Variants in RPTOR observed in about 807,000 individuals in gnomAD.
RPTOR encodes the protein regulatory-associated protein of mTOR.
A neutral mutation model predicts 169.9 loss-of-function variants in RPTOR; 21 were observed. That is an observed-to-expected ratio of 0.12 (90% CI 0.09 to 0.18). The LOEUF (loss-of-function observed/expected upper bound fraction) is 0.18, where lower values mean the gene tolerates loss of function less well. RPTOR is among the 10% of genes least tolerant of loss of function. The pLI is 1.00. For missense variants in RPTOR, 1,133 were observed against 1,855.9 expected, an observed-to-expected ratio of 0.61 and a Z score of 7.16; for synonymous variants, 732 against 753.2, an observed-to-expected ratio of 0.97 and a Z score of 0.46.
chr17:80,634,603 C>CTGTGTGTGTGCGTACTGTG lies in RPTOR; in HGVS notation c.265+8819_265+8820insGCGTACTGTGTGTGTGTGT, dbSNP rs560638674. Among the ~76,000 whole-genome samples the CTGTGTGTGTGCGTACTGTG allele has an allele frequency of 3.1e-4, 8 of 26,212 alleles. 1 individual carries two copies. The highest frequency in any genetic ancestry group is 1.3e-3 in the Admixed American group (5 of 3,756). The allele number at this position is 26,212 out of a possible 152,430, so 17.2% of individuals were successfully genotyped here. On this transcript the variant is annotated intron_variant, in intron 2 of 33. Transcript: ENST00000306801. ...TGTGTGCGTACTGTGTGTGTGCGTACTGTGTGTGTACTGTGTGCGTGTGCG... is the reference window on the plus strand; with the variant it reads ...TGTGTGCGTACTGTGTGTGTGCGTACTGTGTGTGTGCGTACTGTGTGTGTGTGTACTGTGTGCGTGTGCG...
chr17:80,624,703 C>T (rs1190363279), intron 1 of RPTOR, among the ~76,000 whole-genome samples: 1 of 152,178 alleles, frequency 6.6e-6, no homozygotes, highest in Admixed American at 6.5e-5. Context: ...AAAAATTAAT[C>T]TTTATCTTGT....
At chr17:80,744,412 C>CTGTCCTGGTTACT (rs1567888638) in intron 5 of RPTOR, among the ~76,000 whole-genome samples, 3 of 96,672 alleles carry the variant, frequency 3.1e-5, no homozygotes, top group Non-Finnish European at 6.2e-5. Context: ...GCTACTAGCA[C>CTGTCCTGGTTACT]AGCCCTGGCT....
chr17:80,827,967 C>T (rs539977823), intron 9 of RPTOR, among the ~76,000 whole-genome samples: 25 of 152,304 alleles, frequency 1.6e-4, no homozygotes, highest in Non-Finnish European at 2.5e-4. Context: ...TGGCTCTAGC[C>T]GTCTAGTGCC....
At chr17:80,642,994 T>C (rs1368371897) in intron 2 of RPTOR, among the ~76,000 whole-genome samples, 2 of 152,246 alleles carry the variant, frequency 1.3e-5, no homozygotes, top group Non-Finnish European at 2.9e-5. Context: ...TAAATATTTA[T>C]GTTAAAATAT....
chr17:80,881,147 A>G (rs1040176005), intron 14 of RPTOR, among the ~76,000 whole-genome samples: 2 of 152,246 alleles, frequency 1.3e-5, no homozygotes, highest in African/African-American at 4.8e-5. Flanking sequence ...ATTTAAACAT[A>G]TTAGCTAGTT....
chr17:80,626,734 T>TAA (rs772991416), intron 2 of RPTOR, among the ~76,000 whole-genome samples: 1 of 146,526 alleles, frequency 6.8e-6, no homozygotes, highest in Non-Finnish European at 1.5e-5. Flanking sequence ...TTTTTTTTTT[T>TAA]AATTGTGGTA....
chr17:80,869,213 G>T (rs111279601), intron 13 of RPTOR, among the ~76,000 whole-genome samples: 2 of 152,040 alleles, frequency 1.3e-5, no homozygotes, highest in Non-Finnish European at 2.9e-5. Context: ...AGGCTGGAGC[G>T]CAGTGGGGCG....
At chr17:80,829,066 T>C (rs1228647637) in intron 9 of RPTOR, among the ~76,000 whole-genome samples, 2 of 152,274 alleles carry the variant, frequency 1.3e-5, no homozygotes, top group East Asian at 3.8e-4. Flanking sequence ...TTCTCCATTT[T>C]AAAAATTGAT....
At chr17:80,946,508 C>T (rs2069105566) in intron 26 of RPTOR, among the ~76,000 whole-genome samples, 1 of 152,210 alleles carries the variant, frequency 6.6e-6, no homozygotes, top group African/African-American at 2.4e-5. Flanking sequence ...CCGCCTGAGC[C>T]AGTGTTTCAC....
intron 6 of RPTOR, among the ~76,000 whole-genome samples, chr17:80,762,191 G>C: frequency 6.6e-6 from 1 of 152,234 alleles, no homozygotes; most frequent in Non-Finnish European, 1.5e-5. Flanking sequence ...CCACCTGATG[G>C]ATGCGGTAAG....
At chr17:80,925,259 C>T (rs1209353104) in intron 23 of RPTOR, 111 bp from the exon 24 acceptor site, 22 of 840,890 alleles carry the variant, frequency 2.6e-5, no homozygotes, top group East Asian at 2.6e-5. Flanking sequence ...AGGGGCAGCC[C>T]GGTGCTCCCG....
At chr17:80,900,670 G>C (rs1327454871) in intron 20 of RPTOR, among the ~76,000 whole-genome samples, 13 of 152,178 alleles carry the variant, frequency 8.5e-5, no homozygotes. Flanking sequence ...TGCTCACCTG[G>C]TGACCGTCTG....
intron 20 of RPTOR, among the ~76,000 whole-genome samples, chr17:80,897,114 A>G (rs2068416242): frequency 6.7e-6 from 1 of 149,284 alleles, no homozygotes; most frequent in Non-Finnish European, 1.5e-5. Flanking sequence ...TAAAAAAATT[A>G]GCCAGGTGTG....
At chr17:80,899,052 T>C (rs2068443086) in intron 20 of RPTOR, among the ~76,000 whole-genome samples, 1 of 151,952 alleles carries the variant, frequency 6.6e-6, no homozygotes, top group African/African-American at 2.4e-5. Flanking sequence ...AACTGAAAGG[T>C]TCACTACACA....
chr17:80,620,807 C>T (rs2143518100), intron 1 of RPTOR, among the ~76,000 whole-genome samples: 1 of 152,334 alleles, frequency 6.6e-6, no homozygotes, highest in East Asian at 1.9e-4. Flanking sequence ...AAATTAGGCT[C>T]ACAGTGTTAA....
intron 3 of RPTOR, among the ~76,000 whole-genome samples, chr17:80,685,629 T>TA (rs1433182285): frequency 0.02 from 432 of 22,110 alleles, 61 homozygotes; most frequent in East Asian, 0.071. Flanking sequence ...ATATATATAT[T>TA]TTTTTTTTTT....
At chr17:80,785,998 G>T (rs898605840) in intron 6 of RPTOR, among the ~76,000 whole-genome samples, 2 of 152,162 alleles carry the variant, frequency 1.3e-5, no homozygotes, top group Admixed American at 1.3e-4. Flanking sequence ...TGTCCATGGG[G>T]AGAGGAGTGG....
intron 3 of RPTOR, among the ~76,000 whole-genome samples, chr17:80,706,246 CT>C (rs1029881392): frequency 6.6e-6 from 1 of 152,166 alleles, no homozygotes; most frequent in Non-Finnish European, 1.5e-5. Context: ...GGCCCCAGCA[CT>C]TTCACACCCG....
intron 24 of RPTOR, among the ~76,000 whole-genome samples, chr17:80,937,578 A>G (rs1239626089): frequency 6.6e-6 from 1 of 152,226 alleles, no homozygotes; most frequent in African/African-American, 2.4e-5. Flanking sequence ...AGGAGTGTCA[A>G]GATCCTCATC....
Sources: gnomAD v4.1 joint callset for allele counts (sites outside exome capture counted in the v4.1 genomes callset) on GRCh38, gnomAD v4.1.1 for gene constraint, MANE v1.5 for transcripts, NCBI Gene and HGNC (gene_info 2026-07-23, HGNC 2026-07-21) for gene names.